Variants in LRP5 observed in about 807,000 individuals in gnomAD.
The protein encoded by LRP5 is LDL receptor related protein 5, also known as low-density lipoprotein receptor-related protein 5.
In LRP5, 62 loss-of-function variants were observed where a neutral mutation model predicts 154.1. The observed-to-expected ratio is 0.40, with a 90% CI of 0.33 to 0.50. LRP5 has a LOEUF of 0.50. LRP5 is among the 20% of genes least tolerant of loss of function. The pLI is 0.55. For synonymous variants in LRP5, 966 were observed against 1,011.5 expected (o/e 0.96, Z 0.85); for missense variants, 1,915 against 2,336.7 (o/e 0.82, Z 3.72).
At chr11:68,317,080 G>C (rs1045615931) in intron 1 of LRP5, among the ~76,000 whole-genome samples, 2 of 152,234 alleles carry the variant, frequency 1.3e-5, no homozygotes, top group African/African-American at 4.8e-5. Context: ...GCCCTGGAGG[G>C]CTGTCCTGGG....
At chr11:68,393,196 A>G (rs1387723718) in intron 7 of LRP5, among the ~76,000 whole-genome samples, 1 of 152,144 alleles carries the variant, frequency 6.6e-6, no homozygotes, top group East Asian at 1.9e-4. Flanking sequence ...GTATGGCCAC[A>G]GCACATTTTG....
At chr11:68,363,600 T>C in intron 3 of LRP5, 147 bp from the exon 4 acceptor site, 1 of 690,952 alleles carries the variant, frequency 1.4e-6, no homozygotes, top group East Asian at 2.8e-5. Context: ...GAGGTTGCAG[T>C]GAGCTGAGAT....
At chr11:68,380,531 T>G (rs187662955) in intron 5 of LRP5, among the ~76,000 whole-genome samples, 2 of 152,316 alleles carry the variant, frequency 1.3e-5, no homozygotes, top group Non-Finnish European at 2.9e-5. Flanking sequence ...CTGTTGACAT[T>G]TGAGCGCGTT....
chr11:68,322,094 A>G (rs2098597083), intron 1 of LRP5, among the ~76,000 whole-genome samples: 2 of 152,204 alleles, frequency 1.3e-5, no homozygotes, highest in Admixed American at 1.3e-4. Context: ...TTTCCCCCAG[A>G]GCGAACTTGC....
intron 5 of LRP5, among the ~76,000 whole-genome samples, chr11:68,374,026 G>A (rs1306586245): frequency 6.6e-6 from 1 of 152,242 alleles, no homozygotes; most frequent in South Asian, 2.1e-4. Context: ...TGAGGCTGGG[G>A]TGCGGCTTGG....
intron 5 of LRP5, among the ~76,000 whole-genome samples, chr11:68,377,545 G>A (rs1313548744): frequency 5.9e-5 from 9 of 152,162 alleles, no homozygotes; most frequent in Admixed American, 1.3e-4. Context: ...CTGCGGTTGC[G>A]GCATTTGCCC....
intron 1 of LRP5, among the ~76,000 whole-genome samples, chr11:68,323,176 T>C (rs750483502): frequency 8.5e-5 from 13 of 152,214 alleles, no homozygotes; most frequent in Non-Finnish European, 1.8e-4. Flanking sequence ...TAGCACAGTC[T>C]TGGCTCACTG....
chr11:68,330,511 C>G (rs1029614102), intron 1 of LRP5, among the ~76,000 whole-genome samples: 1 of 152,154 alleles, frequency 6.6e-6, no homozygotes, highest in Non-Finnish European at 1.5e-5. Context: ...CCGACCCAGA[C>G]AGTGCTTGTG....
intron 1 of LRP5, among the ~76,000 whole-genome samples, chr11:68,328,549 C>T (rs1344778257): frequency 6.6e-6 from 1 of 152,262 alleles, no homozygotes; most frequent in Non-Finnish European, 1.5e-5. Flanking sequence ...GGGGCTGGGA[C>T]GTCCCACCTC....
intron 3 of LRP5, among the ~76,000 whole-genome samples, chr11:68,359,573 G>A (rs80049907): frequency 2.4e-4 from 37 of 152,254 alleles, no homozygotes; most frequent in East Asian, 2.1e-3. Context: ...TGGCGGTGGC[G>A]GCAGCGAATC....
chr11:68,302,792 C>T, the LRP5 span, among the ~76,000 whole-genome samples: 1,053 of 152,314 alleles, frequency 6.9e-3, 8 homozygotes, highest in African/African-American at 0.024. Flanking sequence ...CGGGCCGTGG[C>T]GCTGAACAGG....
chr11:68,372,974 A>C (rs1423750960), intron 5 of LRP5, among the ~76,000 whole-genome samples: 1 of 151,376 alleles, frequency 6.6e-6, no homozygotes, highest in Admixed American at 6.6e-5. Context: ...CCCCAGCCCC[A>C]CCCCAACCCA....
intron 5 of LRP5, among the ~76,000 whole-genome samples, chr11:68,374,264 A>G (rs2098636095): frequency 6.6e-6 from 1 of 152,204 alleles, no homozygotes; most frequent in African/African-American, 2.4e-5. Flanking sequence ...GGGCCCGCTC[A>G]GCTCGGGGCC....
chr11:68,312,574 C>T (rs973372278), upstream of LRP5: 2 of 194,052 alleles, frequency 1.0e-5, no homozygotes, highest in Non-Finnish European at 1.8e-5. Context: ...TCCCGCGCGC[C>T]CAGCTCCCTC....
chr11:68,373,397 G>C (rs1037182819), intron 5 of LRP5, among the ~76,000 whole-genome samples: 1 of 151,230 alleles, frequency 6.6e-6, no homozygotes, highest in South Asian at 2.1e-4. Context: ...GGCGGGGGGG[G>C]CCCCGCACTG....
intron 16 of LRP5, 112 bp from the exon 17 acceptor site, chr11:68,429,463 C>A: frequency 1.5e-6 from 2 of 1,349,962 alleles, no homozygotes; most frequent in Non-Finnish European, 2.1e-6. Flanking sequence ...AGAGGCCGGG[C>A]CTGCAGGAGG....
At chr11:68,366,922 C>T (rs919656190) in intron 5 of LRP5, among the ~76,000 whole-genome samples, 1 of 142,328 alleles carries the variant, frequency 7.0e-6, no homozygotes, top group Non-Finnish European at 1.5e-5. Flanking sequence ...CGGGTGCTGG[C>T]ATTGCTCCGA....
chr11:68,402,251 T>C (rs945441180), intron 7 of LRP5, among the ~76,000 whole-genome samples: 25 of 152,212 alleles, frequency 1.6e-4, no homozygotes, highest in Admixed American at 3.9e-4. Flanking sequence ...AACATACAGT[T>C]CTGCAGGCTC....
At chr11:68,398,151 C>G (rs1264455613) in intron 7 of LRP5, among the ~76,000 whole-genome samples, 1 of 152,176 alleles carries the variant, frequency 6.6e-6, no homozygotes, top group African/African-American at 2.4e-5. Flanking sequence ...TAAACACGTG[C>G]TGTCAGAGGG....
Sources: allele counts gnomAD v4.1 joint callset (sites outside exome capture counted in the v4.1 genomes callset), GRCh38; gene constraint gnomAD v4.1.1; transcripts MANE v1.5; gene names NCBI Gene and HGNC (gene_info 2026-07-23, HGNC 2026-07-21).